ARK2N: variants seen among roughly 807,000 people sequenced by gnomAD.
The protein encoded by ARK2N is arkadia (RNF111) N-terminal like PKA signaling regulator 2N, also known as protein ARK2N.
chr18:46,207,743 G>A, the ARK2N span, among the ~76,000 whole-genome samples: 1 of 152,146 alleles, frequency 6.6e-6, no homozygotes, highest in African/African-American at 2.4e-5. Flanking sequence ...ACTTTCAGTA[G>A]CATTGTTTTA....
At chr18:46,194,462 T>G in the ARK2N span, among the ~76,000 whole-genome samples, 1 of 150,624 alleles carries the variant, frequency 6.6e-6, no homozygotes, top group Non-Finnish European at 1.5e-5. Context: ...AGAATCTTTT[T>G]TTTGTTTTTT....
chr18:46,229,927 G>A, the ARK2N span, among the ~76,000 whole-genome samples: 2 of 148,974 alleles, frequency 1.3e-5, no homozygotes, highest in Admixed American at 1.3e-4. Context: ...TTTTTTGTTT[G>A]TTTGTTTGTT....
chr18:46,216,530 C>G, the ARK2N span: 3 of 1,614,130 alleles, frequency 1.9e-6, no homozygotes, highest in Non-Finnish European at 2.5e-6. This position sits in a 1 kb window ranked among gnomAD's most constrained non-coding sequence, Gnocchi z 4.3. Context: ...GACTCAAGCA[C>G]GAGCTCATCA....
the ARK2N span, among the ~76,000 whole-genome samples, chr18:46,199,026 G>A: frequency 6.6e-6 from 1 of 152,154 alleles, no homozygotes; most frequent in Non-Finnish European, 1.5e-5. Flanking sequence ...AGCTAGAATT[G>A]GAAGATGAGA....
the ARK2N span, among the ~76,000 whole-genome samples, chr18:46,187,127 T>TA: frequency 6.6e-6 from 1 of 151,628 alleles, no homozygotes; most frequent in Non-Finnish European, 1.5e-5. Flanking sequence ...GTGCTGGGAT[T>TA]ACAGGCATGA....
chr18:46,230,160 G>A, the ARK2N span, among the ~76,000 whole-genome samples: 2 of 149,478 alleles, frequency 1.3e-5, no homozygotes, highest in East Asian at 4.0e-4. Flanking sequence ...CCTGACCTCA[G>A]GTGATCTGCC....
chr18:46,234,254 G>C, the ARK2N span, among the ~76,000 whole-genome samples: 1 of 152,120 alleles, frequency 6.6e-6, no homozygotes, highest in African/African-American at 2.4e-5. Flanking sequence ...CTGGAGTGCA[G>C]TGGCGCAATC....
chr18:46,210,293 T>C, the ARK2N span, among the ~76,000 whole-genome samples: 1 of 152,162 alleles, frequency 6.6e-6, no homozygotes, highest in Admixed American at 6.5e-5. Context: ...TAGGAGTTAG[T>C]GAATGATGGA....
At chr18:46,244,402 T>TA in the ARK2N span, among the ~76,000 whole-genome samples, 3 of 152,046 alleles carry the variant, frequency 2.0e-5, no homozygotes, top group Admixed American at 1.3e-4. Flanking sequence ...TCCCCATCCT[T>TA]ACAATAGGGA....
At chr18:46,253,823 G>A in the ARK2N span, 2 of 1,602,680 alleles carry the variant, frequency 1.2e-6, no homozygotes, top group Non-Finnish European at 1.7e-6. Flanking sequence ...GAACATGCAA[G>A]GTAGGATACT....
At chr18:46,220,623 C>T in the ARK2N span, among the ~76,000 whole-genome samples, 5 of 152,194 alleles carry the variant, frequency 3.3e-5, no homozygotes, top group African/African-American at 4.8e-5. Flanking sequence ...TTGCATATGT[C>T]GTCCTTTCCT....
the ARK2N span, among the ~76,000 whole-genome samples, chr18:46,236,044 G>A: frequency 2.0e-5 from 3 of 152,144 alleles, no homozygotes; most frequent in East Asian, 1.9e-4. Flanking sequence ...TGAAAAGTTC[G>A]AACCTATTTA....
the ARK2N span, among the ~76,000 whole-genome samples, chr18:46,205,157 C>T: frequency 1.3e-5 from 2 of 152,112 alleles, no homozygotes; most frequent in African/African-American, 4.8e-5. Context: ...ATCTGCCCGC[C>T]TCGGCCCCCC....
the ARK2N span, among the ~76,000 whole-genome samples, chr18:46,198,869 T>A: frequency 1.3e-5 from 2 of 152,194 alleles, no homozygotes; most frequent in African/African-American, 2.4e-5. Context: ...AGTGCTGGGA[T>A]TACGGATGTG....
chr18:46,217,931 A>G, the ARK2N span: 1 of 152,162 alleles, frequency 6.6e-6, no homozygotes, highest in Non-Finnish European at 1.5e-5. Context: ...TTAGTTTTAC[A>G]TGTATTAATA....
chr18:46,195,331 C>T, the ARK2N span, among the ~76,000 whole-genome samples: 2,444 of 128,426 alleles, frequency 0.019, 79 homozygotes, highest in African/African-American at 0.069. Context: ...TGCAGTGTTT[C>T]GATCATAGCT....
At chr18:46,212,990 A>ATTTTTTTTTTT in the ARK2N span, among the ~76,000 whole-genome samples, 7 of 80,520 alleles carry the variant, frequency 8.7e-5, 1 homozygote, top group Admixed American at 1.7e-4. Flanking sequence ...TTTAAGAAGA[A>ATTTTTTTTTTT]TTTTTTTTTT....
chr18:46,228,908 A>G, the ARK2N span: 79 of 397,984 alleles, frequency 2.0e-4, 1 homozygote, highest in Non-Finnish European at 3.5e-5. Flanking sequence ...TAAGAATAAC[A>G]TTTTGAATAT....
the ARK2N span, among the ~76,000 whole-genome samples, chr18:46,186,676 G>A: frequency 1.3e-5 from 2 of 151,196 alleles, no homozygotes; most frequent in African/African-American, 4.9e-5. Context: ...AGCTAATTTT[G>A]TTTTTGTACT....
Sources: allele counts gnomAD v4.1 joint callset (sites outside exome capture counted in the v4.1 genomes callset), GRCh38; gene constraint gnomAD v4.1.1; non-coding constraint Gnocchi (gnomAD v3.1); transcripts MANE v1.5; gene names NCBI Gene and HGNC (gene_info 2026-07-23, HGNC 2026-07-21).